The following AASDH variants were observed in gnomAD, a reference collection of about 807,000 sequenced individuals.
AASDH encodes the protein aminoadipate-semialdehyde dehydrogenase.
A neutral mutation model predicts 102.3 loss-of-function variants in AASDH; 81 were observed. That is an observed-to-expected ratio of 0.79 (90% confidence interval 0.66 to 0.95). The LOEUF (loss-of-function observed/expected upper bound fraction) is 0.95. Ranked by LOEUF, AASDH falls within the 40% of genes least tolerant of loss-of-function variation. The pLI is 0.00. For missense variants in AASDH, 1,203 were observed against 1,266.2 expected (o/e 0.95, Z 0.76); for synonymous variants, 398 against 454.0 (o/e 0.88, Z 1.57).
intron 3 of AASDH, among the ~76,000 whole-genome samples, chr4:56,380,845 C>A (rs983934506): frequency 2.0e-5 from 3 of 152,104 alleles, no homozygotes; most frequent in South Asian, 2.1e-4. Context: ...CAGTAGCACC[C>A]CACTTCCATC....
At chr4:56,384,738 T>C (rs1753358017) in intron 1 of AASDH, among the ~76,000 whole-genome samples, 1 of 152,204 alleles carries the variant, frequency 6.6e-6, no homozygotes, top group Non-Finnish European at 1.5e-5. Context: ...TGTTACAGAT[T>C]TGTTAAGATA....
At chr4:56,357,092 A>G (rs1749727760) in intron 5 of AASDH, among the ~76,000 whole-genome samples, 2 of 152,230 alleles carry the variant, frequency 1.3e-5, no homozygotes, top group East Asian at 1.9e-4. Flanking sequence ...ATACAATTTA[A>G]TATGTTTTAT....
At chr4:56,368,868 TA>T (rs71666124) in intron 5 of AASDH, among the ~76,000 whole-genome samples, 3,079 of 107,876 alleles carry the variant, frequency 0.029, 46 homozygotes, top group South Asian at 0.063. Context: ...AAACTTAAAT[TA>T]AAAAAAAAAA....
At position 56,378,346 on chromosome 4, in the gene AASDH, T is replaced by A. The variant is rs142989314; in HGVS notation, c.470A>T (p.Asp157Val). 166 of 1,614,100 alleles carry A rather than the reference T, an allele frequency of 1.0e-4. No individual in the cohort carries two copies. The African/African-American group carries it at 2.1e-3, about 20-fold the overall frequency. The change falls in exon 4 of 15, where the codon GAT becomes GTT. Residue 157 changes from aspartate (D) to valine (V), a missense_variant. Transcript: ENST00000205214. ...KNTEVNLMLN[D>V]GKEKYEKEKI... is the part of the protein sequence containing the mutation. The stretch of plus-strand genomic sequence containing the variant: ...TTCTTTTTCATATTTCTCTTTTCCA[T>A]CATTTAGCATCAAGTTCACCTCAGT...
intron 5 of AASDH, among the ~76,000 whole-genome samples, chr4:56,360,588 TTTGG>T (rs1467646102): frequency 6.6e-6 from 1 of 152,232 alleles, no homozygotes; most frequent in Non-Finnish European, 1.5e-5. Flanking sequence ...GCTATATGTC[TTTGG>T]TTGATTTCCA....
At chr4:56,374,733 T>A (rs1033077183) in intron 4 of AASDH, among the ~76,000 whole-genome samples, 17 of 152,180 alleles carry the variant, frequency 1.1e-4, no homozygotes, top group African/African-American at 4.1e-4. Flanking sequence ...GGAATAAACT[T>A]TTTTTCTTAA....
At chr4:56,343,178 A>G (rs1747901772) in intron 13 of AASDH, among the ~76,000 whole-genome samples, 1 of 152,178 alleles carries the variant, frequency 6.6e-6, no homozygotes, top group African/African-American at 2.4e-5. Context: ...TAAAAGCAGC[A>G]AAGAAAAAAC....
intron 5 of AASDH, among the ~76,000 whole-genome samples, chr4:56,367,859 T>C (rs1434020362): frequency 2.0e-5 from 3 of 151,124 alleles, no homozygotes; most frequent in Non-Finnish European, 3.0e-5. Flanking sequence ...AAAGCCAAAA[T>C]TGACAAATGG....
At chr4:56,350,169 T>C in intron 10 of AASDH, 111 bp from the exon 11 acceptor site, 2 of 1,019,368 alleles carry the variant, frequency 2.0e-6, no homozygotes, top group Non-Finnish European at 2.8e-6. Flanking sequence ...TAATTAGAAA[T>C]ATAGGTCGGG....
chr4:56,373,731 C>T (rs891977690), intron 4 of AASDH, among the ~76,000 whole-genome samples: 2 of 152,070 alleles, frequency 1.3e-5, no homozygotes, highest in African/African-American at 4.8e-5. Flanking sequence ...GGAGAGCAAA[C>T]TTTCTAACAG....
chr4:56,349,312 T>C lies in AASDH; in HGVS notation c.2439A>G (p.Arg813=), dbSNP rs202106975. Residue 813 remains arginine, a synonymous_variant, in exon 11 of 15, where the codon CGA becomes CGG. Transcript: ENST00000205214. ...TAGATACACATGCTGAGGATTCAAT[T>C]CGATCTCCCAAAATCTGTTCCCATT... The part of the protein sequence containing the change: ...KVKWEQILGD[R]IESSACVSKC... The C allele has an allele frequency of 5.0e-6, 8 of 1,614,196 alleles. No individual in the cohort carries two copies. In the African/African-American group the frequency reaches 6.7e-5, roughly 13 times the overall value.
chr4:56,341,105 T>G (rs1464746659), intron 14 of AASDH, among the ~76,000 whole-genome samples: 1 of 152,088 alleles, frequency 6.6e-6, no homozygotes, highest in East Asian at 1.9e-4. Flanking sequence ...TATGGAGATT[T>G]CTCAAAAAAC....
chr4:56,377,228 G>A (rs2109991625), intron 4 of AASDH, among the ~76,000 whole-genome samples: 1 of 152,080 alleles, frequency 6.6e-6, no homozygotes, highest in Admixed American at 6.5e-5. Context: ...TGTTTCATGA[G>A]GTTTCTATTT....
intron 10 of AASDH, 30 bp from the exon 11 acceptor site, chr4:56,350,088 A>T (rs1411818870): frequency 2.0e-6 from 3 of 1,514,846 alleles, no homozygotes; most frequent in Admixed American, 2.2e-5. Context: ...GAAATATGTG[A>T]CGTAAAGGTC....
intron 3 of AASDH, among the ~76,000 whole-genome samples, chr4:56,379,450 C>G (rs1346610553): frequency 6.6e-6 from 1 of 152,032 alleles, no homozygotes; most frequent in African/African-American, 2.4e-5. Context: ...TTGGATGAAT[C>G]CTCGGATAGG....
rs1014180305 is a variant in AASDH at position 56,354,113 on chromosome 4, T to C, written c.1309A>G (p.Ile437Val). ...GDFVTVKDGE[I>V]FFLGRKDSQI... ...CTGTCTTTTCGTCCCAAAAAAAAAA[T>C]CTCTCCATCTTTCACAGTCACAAAG... The change falls in exon 8 of 15, where the codon ATT becomes GTT. Residue 437 changes from isoleucine to valine, a missense_variant. By Grantham distance (29) the Ile-to-Val change is conservative. Coordinates refer to ENST00000205214, the MANE Select transcript of AASDH (RefSeq NM_181806.4). 2 of 1,612,872 alleles carry C rather than the reference T, an allele frequency of 1.2e-6. No individual in the cohort carries two copies. The highest frequency in any genetic ancestry group is 1.7e-5 in the Admixed American group (1 of 59,938).
chr4:56,352,711 G>C (rs181465072), intron 9 of AASDH, among the ~76,000 whole-genome samples: 20 of 152,154 alleles, frequency 1.3e-4, no homozygotes, highest in Admixed American at 7.2e-4. Flanking sequence ...CCTTTTTCTT[G>C]CATCACTGCT....
chr4:56,374,542 T>C (rs946404355), intron 4 of AASDH, among the ~76,000 whole-genome samples: 4 of 152,120 alleles, frequency 2.6e-5, no homozygotes, highest in Non-Finnish European at 2.9e-5. Flanking sequence ...GAAAGACCAC[T>C]GCACCTGCAT....
intron 7 of AASDH, 89 bp downstream of exon 7, chr4:56,354,616 G>T: frequency 2.1e-6 from 2 of 963,764 alleles, no homozygotes; most frequent in Non-Finnish European, 3.1e-6. Context: ...GCATGAGATA[G>T]ACAAAAGAAA....
Sources: gnomAD v4.1 joint callset for allele counts (sites outside exome capture counted in the v4.1 genomes callset) on GRCh38, gnomAD v4.1.1 for gene constraint, MANE v1.5 for transcripts, NCBI Gene and HGNC (gene_info 2026-07-23, HGNC 2026-07-21) for gene names.